AKAP13: variants seen among roughly 807,000 people sequenced by gnomAD.
AKAP13 encodes A-kinase anchor protein 13.
In AKAP13, 80 loss-of-function variants were observed where a neutral mutation model predicts 264.5. The ratio of observed to expected loss-of-function variants is 0.30; its 90% CI spans 0.25 to 0.36. AKAP13 has a LOEUF of 0.36. Among genes scored for constraint, AKAP13 ranks in the 10% least tolerant of loss-of-function variants. The pLI is 1.00. For missense variants in AKAP13, 3,712 were observed against 3,435.2 expected (o/e 1.08, Z -2.01); for synonymous variants, 1,380 against 1,250.2 (o/e 1.10, Z -2.19).
chr15:85,726,357 A>G, intron 26 of AKAP13, 53 bp from the exon 27 acceptor site: 2 of 1,462,342 alleles, frequency 1.4e-6, no homozygotes, highest in African/African-American at 1.4e-5. Context: ...GACTGTGGGT[A>G]ACTATTAAGT....
chr15:85,434,577 C>G (rs1038689606), intron 1 of AKAP13, among the ~76,000 whole-genome samples: 2 of 151,922 alleles, frequency 1.3e-5, no homozygotes, highest in African/African-American at 4.8e-5. Context: ...CCCTGTCTGA[C>G]AGCTTTGAAG....
chr15:85,593,921 C>T (rs905420884), intron 8 of AKAP13, among the ~76,000 whole-genome samples: 2 of 152,126 alleles, frequency 1.3e-5, no homozygotes, highest in South Asian at 4.1e-4. Context: ...AATTTTGATT[C>T]ATTTATTTAG....
chr15:85,717,217 G>T, intron 20 of AKAP13, 73 bp from the exon 21 acceptor site: 1 of 925,904 alleles, frequency 1.1e-6, no homozygotes, highest in Non-Finnish European at 1.7e-6. Context: ...GAGTCTTCAG[G>T]TACTCATTTA....
intron 8 of AKAP13, among the ~76,000 whole-genome samples, chr15:85,615,426 G>A (rs1210685949): frequency 2.2e-5 from 2 of 92,678 alleles, no homozygotes; most frequent in South Asian, 3.1e-4. Flanking sequence ...AAGCCTAATT[G>A]GAGACGATCC....
intron 14 of AKAP13, among the ~76,000 whole-genome samples, chr15:85,681,578 C>T (rs373278102): frequency 6.6e-6 from 1 of 151,924 alleles, no homozygotes; most frequent in South Asian, 2.1e-4. Context: ...TCTGTTTTAT[C>T]TCCCTCATTT....
intron 1 of AKAP13, among the ~76,000 whole-genome samples, chr15:85,462,100 G>C (rs1294581817): frequency 6.6e-6 from 1 of 152,134 alleles, no homozygotes; most frequent in South Asian, 2.1e-4. Context: ...GGTTTCTGGA[G>C]GGCAGTTGGT....
At chr15:85,588,015 C>CA (rs58498483) in intron 8 of AKAP13, among the ~76,000 whole-genome samples, 27,218 of 144,568 alleles carry the variant, frequency 0.19, 2,689 homozygotes, top group African/African-American at 0.27. Context: ...CCATGGTGGT[C>CA]AAAAAAAAAA....
At chr15:85,620,437 A>T (rs1310117254) in intron 8 of AKAP13, among the ~76,000 whole-genome samples, 1 of 152,154 alleles carries the variant, frequency 6.6e-6, no homozygotes, top group Non-Finnish European at 1.5e-5. Context: ...GGAGAACCTC[A>T]TACTGTTGAA....
intron 4 of AKAP13, chr15:85,536,057 C>G (rs899812387): frequency 6.6e-6 from 1 of 152,274 alleles, no homozygotes; most frequent in African/African-American, 2.4e-5. Context: ...CCGCCTCAGC[C>G]TCCCAAAGTG....
intron 17 of AKAP13, among the ~76,000 whole-genome samples, chr15:85,704,933 G>A (rs910444145): frequency 6.6e-6 from 1 of 152,180 alleles, no homozygotes; most frequent in East Asian, 1.9e-4. Flanking sequence ...ACTGTGAATT[G>A]AGTCCAGGAC....
At chr15:85,734,901 C>G in intron 30 of AKAP13, 91 bp from the exon 31 acceptor site, 1 of 1,485,584 alleles carries the variant, frequency 6.7e-7, no homozygotes, top group South Asian at 1.4e-5. Flanking sequence ...ACTTTCAAGT[C>G]GTGCTCTTTG....
At chr15:85,491,963 A>AAGGTTAAGACGGTTCATCTAG (rs1567085412) in intron 2 of AKAP13, among the ~76,000 whole-genome samples, 1 of 152,152 alleles carries the variant, frequency 6.6e-6, no homozygotes, top group East Asian at 1.9e-4. Flanking sequence ...ATAAGGAAAC[A>AAGGTTAAGACGGTTCATCTAG]TAAGGTTAAG....
Position 85,718,686 on chromosome 15 carries a change from G to A in AKAP13, c.6002-390G>A, listed in dbSNP as rs1339052367. 2 of 216,270 alleles carry A rather than the reference G, an allele frequency of 9.2e-6. No individual in the cohort carries two copies. Among genetic ancestry groups the A allele is most frequent in the African/African-American group, 2.4e-5 (1 of 42,342 alleles). The allele number at this position is 216,270 out of a possible 1,614,324, so 13.4% of individuals were successfully genotyped here. A position where few individuals can be genotyped will look rare whatever the true frequency, so the allele number is the denominator to read the frequency against. On this transcript the variant is annotated intron_variant, in intron 22 of 36. Transcript: ENST00000394518. The surrounding 1 kb of genome is among the most constrained non-coding windows in gnomAD (Gnocchi z 4.9). ...GGAGGCTGAGGCGGGTGGATCACTC[G>A]AGCCCAGAGTTCAAGACTAGCCTGG...
At chr15:85,654,509 A>G (rs1233141050) in intron 10 of AKAP13, among the ~76,000 whole-genome samples, 1 of 152,212 alleles carries the variant, frequency 6.6e-6, no homozygotes, top group Non-Finnish European at 1.5e-5. Flanking sequence ...AAGAACTAAC[A>G]TAAATTTGAT....
intron 3 of AKAP13, among the ~76,000 whole-genome samples, chr15:85,527,496 T>C (rs2077108644): frequency 6.6e-6 from 1 of 152,220 alleles, no homozygotes; most frequent in Non-Finnish European, 1.5e-5. Context: ...GAATAATGTC[T>C]GAAAAGGCTC....
chr15:85,726,949 TG>T (rs2087655327), intron 27 of AKAP13, 116 bp from the exon 28 acceptor site: 2 of 1,124,256 alleles, frequency 1.8e-6, no homozygotes, highest in Admixed American at 4.6e-5. Context: ...AAGTAGCCCT[TG>T]TTTTTCAAAC....
At chr15:85,468,049 T>G (rs989673047) in intron 1 of AKAP13, among the ~76,000 whole-genome samples, 2 of 152,238 alleles carry the variant, frequency 1.3e-5, no homozygotes, top group African/African-American at 2.4e-5. Context: ...AAATGTTGTG[T>G]GAGTAGGTGG....
Position 85,518,939 on chromosome 15 carries a change from C to T in AKAP13, c.34-2489C>T, listed in dbSNP as rs140772296. 4.5e-3 allele frequency among the ~76,000 whole-genome samples: 689 copies of T among 152,316 alleles called. 5 individuals carry two copies. Among genetic ancestry groups the T allele is most frequent in the African/African-American group, 0.016 (655 of 41,560 alleles). On this transcript the variant is annotated intron_variant, in intron 2 of 36. Transcript: ENST00000394518. Reference sequence around the variant, plus strand: ...AAGGATTTCATCTGCCTATAATTAGCCACCTCCTCTGTCCCCAAAGGAAGG... The same window carrying T: ...AAGGATTTCATCTGCCTATAATTAGTCACCTCCTCTGTCCCCAAAGGAAGG...
intron 2 of AKAP13, among the ~76,000 whole-genome samples, chr15:85,503,622 C>CA (rs2076097813): frequency 6.6e-6 from 1 of 152,168 alleles, no homozygotes; most frequent in Admixed American, 6.5e-5. Flanking sequence ...ACCTGATGGA[C>CA]TCATGGAATC....
Sources: allele counts gnomAD v4.1 joint callset (sites outside exome capture counted in the v4.1 genomes callset), GRCh38; gene constraint gnomAD v4.1.1; non-coding constraint Gnocchi (gnomAD v3.1); transcripts MANE v1.5; gene names NCBI Gene and HGNC (gene_info 2026-07-23, HGNC 2026-07-21).